USO1: variants seen among roughly 807,000 people sequenced by gnomAD.
USO1 encodes the protein general vesicular transport factor p115.
A neutral mutation model predicts 124.5 loss-of-function variants in USO1; 57 were observed. The ratio of observed to expected loss-of-function variants is 0.46; its 90% CI spans 0.37 to 0.57. The LOEUF is 0.57. Among genes scored for constraint, USO1 ranks in the 20% least tolerant of loss-of-function variants. USO1 has a pLI of 0.00. For synonymous variants in USO1, 369 were observed against 362.8 expected (o/e 1.02, Z -0.19); for missense variants, 900 against 1,040.6 (o/e 0.86, Z 1.86).
chr4:75,768,908 TG>T (rs902376131), intron 4 of USO1, among the ~76,000 whole-genome samples: 1 of 152,234 alleles, frequency 6.6e-6, no homozygotes, highest in Non-Finnish European at 1.5e-5. Flanking sequence ...TATATGCACT[TG>T]GATTTTTATA....
Position 75,809,188 on chromosome 4 carries a change from A to C in USO1, c.2475+137A>C, listed in dbSNP as rs915634078. The C allele has an allele frequency of 1.3e-5, 14 of 1,054,534 alleles. No homozygotes were observed. The African/African-American group carries it at 2.2e-4, about 17-fold the overall frequency. The allele number at this position is 1,054,534 out of a possible 1,614,324, so 65.3% of individuals were successfully genotyped here. A position where few individuals can be genotyped will look rare whatever the true frequency, so the allele number is the denominator to read the frequency against. On this transcript the variant is annotated intron_variant, in intron 21 of 23. Coordinates refer to ENST00000514213, the MANE Select transcript of USO1 (RefSeq NM_003715.4). ...TTACTTACTAGCCGGTATTCTAGTA[A>C]CATAGGCTTCATGTTCATGGTGACA...
chr4:75,743,876 A>G (rs1721039528), intron 1 of USO1, among the ~76,000 whole-genome samples: 1 of 152,046 alleles, frequency 6.6e-6, no homozygotes, highest in African/African-American at 2.4e-5. Flanking sequence ...TCCTGGATTC[A>G]CGCCATTCTC....
intron 17 of USO1, among the ~76,000 whole-genome samples, chr4:75,802,736 C>CTTTTTTTTTTTTTTTT (rs997798305): frequency 1.3e-3 from 80 of 63,730 alleles, no homozygotes; most frequent in Middle Eastern, 0.017. Context: ...TTTTTCTTTT[C>CTTTTTTTTTTTTTTTT]TTTTTTTTTT....
At chr4:75,812,026 C>A in intron 22 of USO1, 134 bp from the exon 23 acceptor site, 2 of 1,323,270 alleles carry the variant, frequency 1.5e-6, no homozygotes, top group East Asian at 2.5e-5. Flanking sequence ...ACCTCCTGTA[C>A]CCTTAACCTC....
chr4:75,804,181 TCAAAATGAA>T lies in USO1; in HGVS notation c.2037_2045del (p.Asn680_Gln682del). Reference sequence around the variant, plus strand: ...GGCAGCAGGTTTCTACATTAAAATGTCAAAATGAACAGCTCCAGACGGCAGTCACACAGC... The same window carrying T: ...GGCAGCAGGTTTCTACATTAAAATGTCAGCTCCAGACGGCAGTCACACAGC... On this transcript the variant is annotated inframe_deletion, in exon 18 of 24. Coordinates refer to ENST00000514213, the MANE Select transcript of USO1 (RefSeq NM_003715.4). 6.2e-7 allele frequency: 1 copy of T among 1,613,528 alleles called. No homozygotes were observed. The highest frequency in any genetic ancestry group is 8.5e-7 in the Non-Finnish European group (1 of 1,179,712).
chr4:75,795,314 A>G lies in USO1; in HGVS notation c.1452+1413A>G, dbSNP rs1322138000. 4 of 702,164 alleles carry G rather than the reference A, an allele frequency of 5.7e-6. No individual in the cohort carries two copies. The South Asian group carries it at 5.9e-5, about 10-fold the overall frequency. 43.5% of individuals were successfully genotyped at this position (702,164 alleles called of 1,614,324 possible). ...TCTAAAGTAGTAATATGTATGAATA[A>G]TTTGTAATGTATAATTTGCAGGGTG... On this transcript the variant is annotated intron_variant, in intron 13 of 23. Transcript: ENST00000514213.
At chr4:75,795,057 T>C (rs1038919266) in intron 13 of USO1, among the ~76,000 whole-genome samples, 1 of 152,202 alleles carries the variant, frequency 6.6e-6, no homozygotes. Context: ...GAAATTACAA[T>C]GAATGCCTGA....
Position 75,805,178 on chromosome 4 carries a change from G to A in USO1, c.2164G>A (p.Ala722Thr). The part of the protein sequence containing the change: ...NQHQGSYSEG[A>T]QMNGIQPEEI... ...GCATCAAGGTTCTTACAGTGAGGGG[G>A]CTCAGATGAATGGCATTCAGCCAGA... is the stretch of plus-strand genomic sequence containing the variant. The change falls in exon 19 of 24, where the codon GCT becomes ACT. Residue 722 changes from alanine to threonine, a missense_variant. Physicochemically the swap from Ala to Thr is moderately conservative, Grantham distance 58. Transcript: ENST00000514213. 1 of 1,610,834 alleles carries A rather than the reference G, an allele frequency of 6.2e-7. No homozygotes were observed. Among genetic ancestry groups the A allele is most frequent in the Non-Finnish European group, 8.5e-7 (1 of 1,178,480 alleles).
At chr4:75,748,179 CAGGCGTGAGCCAT>C (rs1333141817) in intron 1 of USO1, among the ~76,000 whole-genome samples, 1 of 150,654 alleles carries the variant, frequency 6.6e-6, no homozygotes, top group Non-Finnish European at 1.5e-5. Context: ...GCTGGGATTA[CAGGCGTGAGCCAT>C]CGTGCCCAGC....
rs757627768 is a variant in USO1, at chr4:75,800,379, G to C, written c.1592G>C (p.Gly531Ala). ...ACAGGACAAATTGCAGAAAATCTTG[G>C]AGAAGAAGAGCAGTTGGTCCAAGGC... The part of the protein sequence containing the change: ...FLTGQIAENL[G>A]EEEQLVQGLC... The change falls in exon 15 of 24, where the codon GGA becomes GCA. Residue 531 changes from glycine to alanine, a missense_variant. Gly to Ala is a moderately conservative substitution (Grantham distance 60). Transcript: ENST00000514213. 70 of 1,597,172 alleles carry C rather than the reference G, an allele frequency of 4.4e-5. No homozygotes were observed. Among genetic ancestry groups the C allele is most frequent in the Non-Finnish European group, 5.7e-5 (67 of 1,171,446 alleles).
intron 1 of USO1, among the ~76,000 whole-genome samples, chr4:75,737,104 A>C (rs1293809010): frequency 6.6e-6 from 1 of 152,156 alleles, no homozygotes; most frequent in Non-Finnish European, 1.5e-5. Context: ...TGGCCCAGAG[A>C]ACCAATTTAA....
In USO1 at chr4:75,807,122, C is replaced by T. The variant is rs938236287; in HGVS notation, c.2376+550C>T. 5.3e-5 allele frequency among the ~76,000 whole-genome samples: 8 copies of T among 151,824 alleles called. No homozygotes were observed. In the South Asian group the frequency reaches 6.2e-4, roughly 12 times the overall value. On this transcript the variant is annotated intron_variant, in intron 20 of 23. Transcript: ENST00000514213. ...ACTTGCTTATAGTATTTATAAATTCCTGTTAAACTAGATCATACAGATTTA... is the reference window on the plus strand; with the variant it reads ...ACTTGCTTATAGTATTTATAAATTCTTGTTAAACTAGATCATACAGATTTA...
intron 9 of USO1, among the ~76,000 whole-genome samples, chr4:75,786,456 C>T (rs1469540981): frequency 2.0e-5 from 3 of 151,824 alleles, no homozygotes; most frequent in Non-Finnish European, 4.4e-5. Flanking sequence ...GGAGACATAA[C>T]TGTGTTAAAT....
intron 4 of USO1, among the ~76,000 whole-genome samples, chr4:75,765,847 C>T (rs1303510412): frequency 3.9e-5 from 6 of 152,166 alleles, no homozygotes; most frequent in Admixed American, 6.5e-5. Context: ...TATTAGGCTT[C>T]CTTATGATTA....
intron 18 of USO1, 82 bp downstream of exon 18, chr4:75,804,354 G>A: frequency 1.4e-6 from 2 of 1,475,780 alleles, no homozygotes; most frequent in East Asian, 4.9e-5. Flanking sequence ...GATTCTTTCT[G>A]TGGACTAGTA....
intron 1 of USO1, chr4:75,730,030 A>G: frequency 6.8e-6 from 2 of 293,024 alleles, no homozygotes. Context: ...TAACCAGGTC[A>G]ATGTCATAAC....
At chr4:75,725,052 A>T (rs536621237) in intron 1 of USO1, 167 bp downstream of exon 1, 5 of 737,522 alleles carry the variant, frequency 6.8e-6, no homozygotes, top group Non-Finnish European at 1.1e-5. Flanking sequence ...GAGTTATTCA[A>T]TCACGCCCCC....
chr4:75,725,003 C>T (rs760911975), intron 1 of USO1, 118 bp downstream of exon 1: 3 of 1,063,104 alleles, frequency 2.8e-6, no homozygotes, highest in East Asian at 2.5e-5. Flanking sequence ...ATCCACATGC[C>T]GCCTCCCCCT....
At chr4:75,813,106 C>T (rs1161821155) in intron 23 of USO1, 100 bp from the exon 24 acceptor site, 1 of 1,258,548 alleles carries the variant, frequency 7.9e-7, no homozygotes, top group African/African-American at 1.6e-5. Context: ...AGCAAAACTC[C>T]ATCTCAGAAA....
Sources: gnomAD v4.1 joint callset for allele counts (sites outside exome capture counted in the v4.1 genomes callset) on GRCh38, gnomAD v4.1.1 for gene constraint, MANE v1.5 for transcripts, NCBI Gene and HGNC (gene_info 2026-07-23, HGNC 2026-07-21) for gene names.